Variants in CENPP observed in about 807,000 individuals in gnomAD.
The protein encoded by CENPP is centromere protein P.
In CENPP, 24 loss-of-function variants were observed where a neutral mutation model predicts 35.6. The observed-to-expected ratio is 0.67, with a 90% CI of 0.49 to 0.95. CENPP has a LOEUF of 0.95. Ranked by LOEUF, CENPP falls within the 40% of genes least tolerant of loss-of-function variation. The pLI, the probability that CENPP is intolerant of heterozygous loss-of-function variation, is 0.00. For missense variants in CENPP, 332 were observed against 345.3 expected (o/e 0.96, Z 0.31); for synonymous variants, 120 against 125.5 (o/e 0.96, Z 0.29).
intron 5 of CENPP, among the ~76,000 whole-genome samples, chr9:92,497,055 C>T (rs1846387871): frequency 6.6e-6 from 1 of 151,990 alleles, no homozygotes; most frequent in South Asian, 2.1e-4. Context: ...AGGAATTTGG[C>T]AATATCTAGT....
At chr9:92,483,060 CT>C (rs1361940823) in intron 5 of CENPP, among the ~76,000 whole-genome samples, 1 of 152,242 alleles carries the variant, frequency 6.6e-6, no homozygotes, top group East Asian at 1.9e-4. Context: ...ATGCATACAA[CT>C]TTCCCTTTTC....
chr9:92,373,488 A>G (rs906270152), intron 4 of CENPP, among the ~76,000 whole-genome samples: 6 of 151,980 alleles, frequency 3.9e-5, no homozygotes, highest in Admixed American at 6.6e-5. Flanking sequence ...TCCTGATTGT[A>G]TTGTTTTTCT....
chr9:92,613,288 G>A lies in CENPP; in HGVS notation c.*139G>A. ...TCTATGCAGTTATGGCACATTATAT[G>A]GAAACTCTCATGACATGAAAAATAA... On this transcript the variant is annotated 3_prime_UTR_variant, in exon 8 of 8. Coordinates refer to ENST00000375587, the MANE Select transcript of CENPP (RefSeq NM_001012267.3). The A allele has an allele frequency of 1.1e-6, 1 of 900,020 alleles. No homozygotes were observed. The highest frequency in any genetic ancestry group is 1.7e-5 in the South Asian group (1 of 58,720). 55.8% of individuals were successfully genotyped at this position (900,020 alleles called of 1,614,324 possible). A position where few individuals can be genotyped will look rare whatever the true frequency, so the allele number is the denominator to read the frequency against.
intron 5 of CENPP, among the ~76,000 whole-genome samples, chr9:92,512,688 T>G (rs1368522111): frequency 6.6e-6 from 1 of 152,192 alleles, no homozygotes; most frequent in East Asian, 1.9e-4. Flanking sequence ...TGCTTTAATT[T>G]TATAGGTTTT....
At position 92,552,024 on chromosome 9, in the gene CENPP, A is replaced by T. The variant is rs114328559; in HGVS notation, c.565-59290A>T. ...TATGTGTATATATATGATATGATAG[A>T]TCTATCATATATGTGATATTATAGG... On this transcript the variant is annotated intron_variant, in intron 5 of 7. Coordinates refer to ENST00000375587, the MANE Select transcript of CENPP (RefSeq NM_001012267.3). 4.7e-5 allele frequency among the ~76,000 whole-genome samples: 6 copies of T among 127,022 alleles called. No homozygotes were observed. In the East Asian group the frequency reaches 1.3e-3, roughly 26 times the overall value. The allele number at this position is 127,022 out of a possible 152,430, so 83.3% of individuals were successfully genotyped here.
At chr9:92,459,103 A>G (rs1446377114) in intron 5 of CENPP, among the ~76,000 whole-genome samples, 1 of 152,222 alleles carries the variant, frequency 6.6e-6, no homozygotes, top group Non-Finnish European at 1.5e-5. Flanking sequence ...GAATAAAAAC[A>G]AACAACAAAA....
chr9:92,331,653 TG>T (rs1840750801), intron 1 of CENPP, among the ~76,000 whole-genome samples: 1 of 152,246 alleles, frequency 6.6e-6, no homozygotes, highest in Non-Finnish European at 1.5e-5. Flanking sequence ...TGGTTACATA[TG>T]TTTTTTGTTG....
At chr9:92,397,681 C>T (rs1357101233) in intron 5 of CENPP, among the ~76,000 whole-genome samples, 2 of 152,184 alleles carry the variant, frequency 1.3e-5, no homozygotes, top group African/African-American at 4.8e-5. Context: ...GATGCAGGTG[C>T]TGGGTGTGCT....
chr9:92,417,722 AT>A (rs1843661500), intron 5 of CENPP: 3 of 514,902 alleles, frequency 5.8e-6, no homozygotes, highest in South Asian at 8.6e-5. Flanking sequence ...TCAAACCAAA[AT>A]TTTTTTCTTT....
intron 5 of CENPP, among the ~76,000 whole-genome samples, chr9:92,501,600 C>T (rs771431736): frequency 5.3e-5 from 8 of 152,166 alleles, no homozygotes; most frequent in Non-Finnish European, 7.4e-5. Flanking sequence ...ATCTGGGGAA[C>T]GTGGTGAACT....
At chr9:92,573,575 C>G (rs1042217704) in intron 5 of CENPP, among the ~76,000 whole-genome samples, 2 of 152,182 alleles carry the variant, frequency 1.3e-5, no homozygotes, top group African/African-American at 4.8e-5. Context: ...GCGGTCTGTC[C>G]GTTCTCAGAT....
intron 5 of CENPP, among the ~76,000 whole-genome samples, chr9:92,544,101 T>C (rs1424735842): frequency 6.6e-6 from 1 of 152,270 alleles, no homozygotes; most frequent in African/African-American, 2.4e-5. Flanking sequence ...TCAGCACTGT[T>C]GTCTTATTCC....
At chr9:92,537,655 A>G (rs1032362413) in intron 5 of CENPP, among the ~76,000 whole-genome samples, 4 of 151,992 alleles carry the variant, frequency 2.6e-5, no homozygotes, top group South Asian at 2.1e-4. Context: ...GCGAGACTAC[A>G]TCTCAAAAAA....
At chr9:92,415,360 C>T in intron 5 of CENPP, 2 of 1,613,446 alleles carry the variant, frequency 1.2e-6, no homozygotes, top group Middle Eastern at 1.7e-4. Flanking sequence ...ATGAGGGAAG[C>T]AGAAGAAGAT....
At chr9:92,540,479 A>G (rs1849292620) in intron 5 of CENPP, among the ~76,000 whole-genome samples, 1 of 151,934 alleles carries the variant, frequency 6.6e-6, no homozygotes, top group Non-Finnish European at 1.5e-5. Context: ...ACATCTTAAA[A>G]TAATCAATGA....
At chr9:92,352,353 G>C (rs564393527) in intron 4 of CENPP, among the ~76,000 whole-genome samples, 1 of 149,962 alleles carries the variant, frequency 6.7e-6, no homozygotes, top group East Asian at 2.0e-4. Context: ...GGGTGACAGA[G>C]CAAGACATCA....
chr9:92,506,668 A>G (rs1373800995), intron 5 of CENPP, among the ~76,000 whole-genome samples: 1 of 152,190 alleles, frequency 6.6e-6, no homozygotes, highest in Non-Finnish European at 1.5e-5. Context: ...TTAAAAGAAG[A>G]AAAAGCAGTG....
At chr9:92,497,394 G>T (rs907783504) in intron 5 of CENPP, among the ~76,000 whole-genome samples, 1 of 152,148 alleles carries the variant, frequency 6.6e-6, no homozygotes, top group Non-Finnish European at 1.5e-5. Context: ...GGAGGCCAAG[G>T]TGGGTGGATC....
rs1845534305 is a variant in CENPP at position 92,471,904 on chromosome 9, C to G, written c.564+92045C>G. ...CGAACTCCTGGACTCAAGCGAGATG[C>G]CTGCCTTGGCCTAGATGTCAGTACA... On this transcript the variant is annotated intron_variant, in intron 5 of 7. Transcript: ENST00000375587. Among the ~76,000 whole-genome samples, 3 of 152,166 alleles carry G rather than the reference C, an allele frequency of 2.0e-5. No individual in the cohort carries two copies. The South Asian group carries it at 6.2e-4, about 32-fold the overall frequency.
Sources: allele counts gnomAD v4.1 joint callset (sites outside exome capture counted in the v4.1 genomes callset), GRCh38; gene constraint gnomAD v4.1.1; transcripts MANE v1.5; gene names NCBI Gene and HGNC (gene_info 2026-07-23, HGNC 2026-07-21).